The following PKP4 variants were observed in gnomAD, a reference collection of about 807,000 sequenced individuals.
PKP4 encodes the protein plakophilin-4.
PKP4 carries 90 observed loss-of-function variants against 145.1 expected under a neutral mutation model. The ratio of observed to expected loss-of-function variants is 0.62; its 90% CI spans 0.52 to 0.74. The LOEUF is 0.74. Among genes scored for constraint, PKP4 ranks in the 30% least tolerant of loss-of-function variants. The pLI is 0.00. For synonymous variants in PKP4, 563 were observed against 577.2 expected, an observed-to-expected ratio of 0.98 and a Z score of 0.35; for missense variants, 1,340 against 1,482.7, an observed-to-expected ratio of 0.90 and a Z score of 1.58.
In PKP4 at chr2:158,669,848, G is replaced by A. The variant is rs779737530; in HGVS notation, c.2857G>A (p.Ala953Thr). The A allele has an allele frequency of 1.2e-6, 2 of 1,613,984 alleles. No homozygotes were observed. The highest frequency in any genetic ancestry group is 1.3e-5 in the African/African-American group (1 of 75,050). ...GGTCACCAGCAAAAACATGGAGAACGCAAAAGCCCTGGCCGACTCAGGAGG... is the reference window on the plus strand; with the variant it reads ...GGTCACCAGCAAAAACATGGAGAACACAAAAGCCCTGGCCGACTCAGGAGG... ...HEVTSKNMEN[A>T]KALADSGGIE... Residue 953 changes from alanine to threonine, a missense_variant, in exon 17 of 22, where the codon GCA becomes ACA. Transcript: ENST00000389759.
chr2:158,663,149 A>G, intron 14 of PKP4, 61 bp downstream of exon 14: 1 of 1,519,068 alleles, frequency 6.6e-7, no homozygotes, highest in Non-Finnish European at 8.9e-7. Flanking sequence ...GAGGAATCAC[A>G]TATTTGGCAA....
At chr2:158,631,652 A>G in intron 7 of PKP4, 101 bp from the exon 8 acceptor site, 1 of 1,026,704 alleles carries the variant, frequency 9.7e-7, no homozygotes, top group Admixed American at 1.8e-5. Flanking sequence ...CTGTCTCCCA[A>G]AGTGCTGGGA....
In PKP4 at chr2:158,590,312, AGTGTGTGTGT is replaced by A. The variant is rs57003090; in HGVS notation, c.246-12721_246-12712del. 9.1e-3 allele frequency among the ~76,000 whole-genome samples: 1,128 copies of A among 124,230 alleles called. 16 individuals carry two copies. Among genetic ancestry groups the A allele is most frequent in the African/African-American group, 0.026 (890 of 33,686 alleles). 81.5% of individuals were successfully genotyped at this position (124,230 alleles called of 152,430 possible). ...TTATAATCCAAGGAGGAATGTCTTGAGTGTGTGTGTGTGTGTGTGTGTGTGTGTGTGTGTG... is the reference window on the plus strand; with the variant it reads ...TTATAATCCAAGGAGGAATGTCTTGAGTGTGTGTGTGTGTGTGTGTGTGTG... On this transcript the variant is annotated intron_variant, in intron 3 of 21. Transcript: ENST00000389759.
chr2:158,524,384 G>C (rs2042743790), intron 1 of PKP4, among the ~76,000 whole-genome samples: 1 of 96,868 alleles, frequency 1.0e-5, no homozygotes, highest in Non-Finnish European at 2.1e-5. Flanking sequence ...GCCAAACTAA[G>C]CTTCATAAGT....
chr2:158,565,480 G>A (rs74588102), intron 2 of PKP4, among the ~76,000 whole-genome samples: 4,251 of 132,830 alleles, frequency 0.032, 163 homozygotes, highest in East Asian at 0.15. Context: ...TCTAACACAA[G>A]TAAGAAGTAA....
intron 2 of PKP4, among the ~76,000 whole-genome samples, chr2:158,573,036 G>A (rs1246027901): frequency 1.3e-5 from 2 of 152,192 alleles, no homozygotes; most frequent in East Asian, 3.9e-4. Flanking sequence ...TATGATTCAT[G>A]TGCACAAGAT....
chr2:158,661,352 G>A lies in PKP4; in HGVS notation c.2113G>A (p.Glu705Lys). Residue 705 changes from glutamate (E) to lysine (K), a missense_variant, in exon 13 of 22, where the codon GAA becomes AAA. Physicochemically the swap from Glu to Lys is moderately conservative, Grantham distance 56. Transcript: ENST00000389759. ...CTTTAGGAACCTCAGCTCCGCGGGGGAAGAAGCTCGGAAGCAAATGCGGTC... is the reference window on the plus strand; with the variant it reads ...CTTTAGGAACCTCAGCTCCGCGGGGAAAGAAGCTCGGAAGCAAATGCGGTC... ...GCLRNLSSAG[E>K]EARKQMRSCE... 6.2e-7 allele frequency: 1 copy of A among 1,613,658 alleles called. No individual in the cohort carries two copies. Among genetic ancestry groups the A allele is most frequent in the South Asian group, 1.1e-5 (1 of 91,082 alleles).
At chr2:158,664,351 A>G (rs886136842) in intron 15 of PKP4, among the ~76,000 whole-genome samples, 2 of 152,278 alleles carry the variant, frequency 1.3e-5, no homozygotes, top group South Asian at 2.1e-4. Context: ...TGAGTATGAA[A>G]ACTGAAGACA....
chr2:158,586,293 G>A (rs1028674857), intron 3 of PKP4, among the ~76,000 whole-genome samples: 1 of 152,278 alleles, frequency 6.6e-6, no homozygotes, highest in African/African-American at 2.4e-5. Flanking sequence ...GGAGAGGTGG[G>A]AGCAAAGGGA....
At chr2:158,530,758 C>T (rs369820355) in intron 1 of PKP4, among the ~76,000 whole-genome samples, 22 of 152,070 alleles carry the variant, frequency 1.4e-4, no homozygotes, top group East Asian at 7.8e-4. Context: ...CCCTTAGTAA[C>T]GACAGGTACC....
intron 3 of PKP4, among the ~76,000 whole-genome samples, chr2:158,597,719 T>A (rs1364558733): frequency 6.6e-6 from 1 of 152,218 alleles, no homozygotes; most frequent in Non-Finnish European, 1.5e-5. Flanking sequence ...ATTTAATTTG[T>A]TATTGGCTAT....
intron 2 of PKP4, among the ~76,000 whole-genome samples, chr2:158,576,283 G>C (rs1574571465): frequency 3.3e-5 from 5 of 152,038 alleles, no homozygotes; most frequent in Admixed American, 3.3e-4. Flanking sequence ...ATTTTAGGTT[G>C]TTTTATTTCT....
intron 2 of PKP4, among the ~76,000 whole-genome samples, chr2:158,573,121 G>A (rs963931518): frequency 6.6e-6 from 1 of 152,208 alleles, no homozygotes; most frequent in African/African-American, 2.4e-5. Flanking sequence ...GGTTCATGAT[G>A]AGAACATATA....
intron 2 of PKP4, among the ~76,000 whole-genome samples, chr2:158,566,601 C>T (rs866117162): frequency 1.3e-5 from 2 of 151,922 alleles, no homozygotes; most frequent in Non-Finnish European, 2.9e-5. Context: ...AAAATCTCAC[C>T]ATGTTTTTTA....
intron 2 of PKP4, among the ~76,000 whole-genome samples, chr2:158,544,830 C>T (rs146113558): frequency 3.9e-5 from 6 of 152,122 alleles, no homozygotes; most frequent in African/African-American, 1.4e-4. Flanking sequence ...CAAGAGGGCC[C>T]TTTTTTAACT....
intron 2 of PKP4, among the ~76,000 whole-genome samples, chr2:158,570,690 T>G (rs1225766829): frequency 6.6e-6 from 1 of 152,170 alleles, no homozygotes; most frequent in Admixed American, 6.5e-5. Flanking sequence ...ACTGCTAGCA[T>G]GAGATGATTT....
chr2:158,665,098 C>G (rs540423322), intron 15 of PKP4, among the ~76,000 whole-genome samples: 1 of 152,144 alleles, frequency 6.6e-6, no homozygotes, highest in Non-Finnish European at 1.5e-5. Flanking sequence ...TGGACCTTCA[C>G]TAAGAAAATG....
At chr2:158,484,447 G>A (rs1055912991) in intron 1 of PKP4, among the ~76,000 whole-genome samples, 2 of 152,186 alleles carry the variant, frequency 1.3e-5, no homozygotes. Flanking sequence ...GCAAGTGTCC[G>A]TTGCTGTCCT....
chr2:158,669,926 G>A lies in PKP4; in HGVS notation c.2924+11G>A, dbSNP rs749580604. 48 of 1,600,970 alleles carry A rather than the reference G, an allele frequency of 3.0e-5. No homozygotes were observed. The highest frequency in any genetic ancestry group is 7.8e-5 in the South Asian group (7 of 89,222). On this transcript the variant is annotated intron_variant, in intron 17 of 21. Transcript: ENST00000389759. ...AGGCAGGGGCGACAGGCAAGTCTGC[G>A]GCAAGGAGGTGCAAGCAGTGCTCTT...
Sources: gnomAD v4.1 joint callset for allele counts (sites outside exome capture counted in the v4.1 genomes callset) on GRCh38, gnomAD v4.1.1 for gene constraint, MANE v1.5 for transcripts, NCBI Gene and HGNC (gene_info 2026-07-23, HGNC 2026-07-21) for gene names.